Variants in SEC23A observed in about 807,000 individuals in gnomAD.
SEC23A encodes SEC23 homolog A, COPII component, also known as protein transport protein Sec23A.
SEC23A carries 56 observed loss-of-function variants against 103.7 expected under a neutral mutation model. The observed-to-expected ratio is 0.54, with a 90% CI of 0.44 to 0.67. The LOEUF (loss-of-function observed/expected upper bound fraction) is 0.67. SEC23A is among the 30% of genes least tolerant of loss of function. SEC23A has a pLI of 0.00. For synonymous variants in SEC23A, 281 were observed against 293.0 expected, an observed-to-expected ratio of 0.96 and a Z score of 0.42; for missense variants, 784 against 936.4, an observed-to-expected ratio of 0.84 and a Z score of 2.12.
intron 13 of SEC23A, among the ~76,000 whole-genome samples, chr14:39,055,551 G>T (rs1488669003): frequency 1.3e-5 from 2 of 152,058 alleles, no homozygotes. Context: ...GGGATTACAG[G>T]CACCTGCCAC....
At chr14:39,070,629 G>T (rs1043029842) in intron 9 of SEC23A, among the ~76,000 whole-genome samples, 4 of 152,204 alleles carry the variant, frequency 2.6e-5, no homozygotes, top group Non-Finnish European at 5.9e-5. Context: ...AATAGCTATA[G>T]AAACAGCATT....
intron 8 of SEC23A, among the ~76,000 whole-genome samples, chr14:39,075,160 C>T (rs1403557826): frequency 1.3e-5 from 2 of 151,924 alleles, no homozygotes; most frequent in Admixed American, 1.3e-4. Flanking sequence ...TAAATCCATA[C>T]CCAAGTAACA....
In SEC23A at chr14:39,059,278, T is replaced by TAAAAAAAAAAAAAAAA. The variant is rs750853379; in HGVS notation, c.1505+2471_1505+2486dup. Among the ~76,000 whole-genome samples the TAAAAAAAAAAAAAAAA allele has an allele frequency of 7.2e-4, 52 of 71,826 alleles. 5 individuals are homozygous for TAAAAAAAAAAAAAAAA. The highest frequency in any genetic ancestry group is 1.5e-3 in the African/African-American group (29 of 19,502). 47.1% of individuals were successfully genotyped at this position (71,826 alleles called of 152,430 possible). On this transcript the variant is annotated intron_variant, in intron 13 of 19. Coordinates refer to ENST00000307712, the MANE Select transcript of SEC23A (RefSeq NM_006364.4). ...GGCCCCTAAAGTCATAGTCCTAGTTTAAAAAAAAAAAAAAAAAAAAAAAAA... is the reference window on the plus strand; with the variant it reads ...GGCCCCTAAAGTCATAGTCCTAGTTTAAAAAAAAAAAAAAAAAAAAAAAAAAAAAAAAAAAAAAAAA...
chr14:39,063,438 T>A, intron 11 of SEC23A, 25 bp from the exon 12 acceptor site: 2 of 1,405,328 alleles, frequency 1.4e-6, no homozygotes, highest in Non-Finnish European at 2.0e-6. Context: ...TATAGCATGT[T>A]TGAAAGCTAG....
At chr14:39,078,661 A>T (rs999584119) in intron 7 of SEC23A, among the ~76,000 whole-genome samples, 8 of 152,218 alleles carry the variant, frequency 5.3e-5, no homozygotes, top group Non-Finnish European at 7.3e-5. Flanking sequence ...CACAACAAAC[A>T]TGACAACTCT....
At chr14:39,102,816 A>C (rs78469712) in intron 1 of SEC23A, among the ~76,000 whole-genome samples, 2,232 of 152,258 alleles carry the variant, frequency 0.015, 56 homozygotes, top group African/African-American at 0.051. Context: ...CACCTAATCC[A>C]GGGGAGCTGG....
intron 14 of SEC23A, among the ~76,000 whole-genome samples, chr14:39,049,176 A>T (rs757551754): frequency 4.2e-5 from 3 of 71,140 alleles, no homozygotes; most frequent in African/African-American, 7.7e-5. Context: ...CATCGCTATT[A>T]AAAAAAAAAA....
chr14:39,039,332 T>TTTTTTTTTTTTTTTTTTTTTTGAGACG (rs1885561248), intron 18 of SEC23A: 1 of 482,020 alleles, frequency 2.1e-6, no homozygotes, highest in African/African-American at 2.1e-5. Context: ...AATACATTGT[T>TTTTTTTTTTTTTTTTTTTTTTGAGACG]GAGTCCAAAA....
chr14:39,043,003 G>A, intron 16 of SEC23A, 131 bp from the exon 17 acceptor site: 2 of 621,458 alleles, frequency 3.2e-6, no homozygotes, highest in Non-Finnish European at 2.8e-6. Context: ...TTGGAGAAGG[G>A]TCTTGCTCTG....
At position 39,068,038 on chromosome 14, in the gene SEC23A, T is replaced by C. The variant is rs143256046; in HGVS notation, c.1104-742A>G. On this transcript the variant is annotated intron_variant, in intron 9 of 19. Coordinates refer to ENST00000307712, the MANE Select transcript of SEC23A (RefSeq NM_006364.4). The stretch of plus-strand genomic sequence containing the variant: ...TGTACTATCTGTGTCACATGAAATA[T>C]ACATGTTATACCAAGCAAATGAGAA... Among the ~76,000 whole-genome samples, 325 of 152,266 alleles carry C rather than the reference T, an allele frequency of 2.1e-3. 3 individuals carry two copies. The highest frequency in any genetic ancestry group is 7.3e-3 in the African/African-American group (305 of 41,542).
intron 2 of SEC23A, among the ~76,000 whole-genome samples, chr14:39,094,704 C>T (rs558746613): frequency 1.3e-5 from 2 of 151,916 alleles, no homozygotes; most frequent in East Asian, 1.9e-4. Context: ...AGCAATCATA[C>T]GAAAATATGG....
chr14:39,039,964 T>C (rs1462881274), intron 18 of SEC23A: 1 of 152,242 alleles, frequency 6.6e-6, no homozygotes, highest in Non-Finnish European at 1.5e-5. Flanking sequence ...AAACTAATAG[T>C]AATTATCATT....
In SEC23A at chr14:39,048,722, T is replaced by A. The variant is rs1192593463; in HGVS notation, c.1667A>T (p.Lys556Ile). Residue 556 changes from lysine to isoleucine, a missense_variant, in exon 15 of 20, where the codon AAA becomes ATA. Physicochemically the swap from Lys to Ile is moderately radical, Grantham distance 102. Coordinates refer to ENST00000307712, the MANE Select transcript of SEC23A (RefSeq NM_006364.4). ...GTCATCTTTATGATATTCTCCAAAT[T>A]TCTGACACTAAATAAAATAAAATGT... The part of the protein sequence containing the change: ...LDRQLIRLCQ[K>I]FGEYHKDDPS... The A allele has an allele frequency of 6.6e-7, 1 of 1,505,152 alleles. No homozygotes were observed. The highest frequency in any genetic ancestry group is 9.3e-7 in the Non-Finnish European group (1 of 1,080,600). 93.2% of individuals were successfully genotyped at this position (1,505,152 alleles called of 1,614,324 possible).
intron 14 of SEC23A, among the ~76,000 whole-genome samples, chr14:39,053,223 T>C (rs1886128580): frequency 6.6e-6 from 1 of 152,220 alleles, no homozygotes. Context: ...ACATGTCACA[T>C]GATGCTGGAG....
At chr14:39,102,167 G>T (rs1293939812) in intron 1 of SEC23A, among the ~76,000 whole-genome samples, 1 of 152,026 alleles carries the variant, frequency 6.6e-6, no homozygotes, top group Non-Finnish European at 1.5e-5. Context: ...GGGAGGCGGA[G>T]GTTGCAGTGA....
intron 19 of SEC23A, among the ~76,000 whole-genome samples, chr14:39,035,878 A>G (rs1445367202): frequency 6.6e-6 from 1 of 152,190 alleles, no homozygotes; most frequent in East Asian, 1.9e-4. Flanking sequence ...CACAAATTCA[A>G]TCATGCAATT....
intron 13 of SEC23A, among the ~76,000 whole-genome samples, chr14:39,057,477 C>CA (rs2139216855): frequency 6.6e-6 from 1 of 152,224 alleles, no homozygotes; most frequent in South Asian, 2.1e-4. Flanking sequence ...GCAATCCTCC[C>CA]ACCTCCGCCT....
intron 2 of SEC23A, among the ~76,000 whole-genome samples, chr14:39,095,620 A>G (rs1396874557): frequency 3.3e-5 from 5 of 152,112 alleles, no homozygotes; most frequent in Non-Finnish European, 7.4e-5. Context: ...CTAATGATGC[A>G]AGATGGGTTG....
intron 7 of SEC23A, among the ~76,000 whole-genome samples, chr14:39,079,040 A>G (rs756947162): frequency 4.6e-5 from 7 of 152,180 alleles, no homozygotes; most frequent in Non-Finnish European, 8.8e-5. Flanking sequence ...GTCTAGTGAA[A>G]AAATAAGTTT....
Sources: allele counts gnomAD v4.1 joint callset (sites outside exome capture counted in the v4.1 genomes callset), GRCh38; gene constraint gnomAD v4.1.1; transcripts MANE v1.5; gene names NCBI Gene and HGNC (gene_info 2026-07-23, HGNC 2026-07-21).